The following AP3B1 variants were observed in gnomAD, a reference collection of about 807,000 sequenced individuals.
The protein encoded by AP3B1 is AP-3 complex subunit beta-1.
Under a neutral mutation model 132.5 loss-of-function variants are expected in AP3B1, and 61 were observed. That is an observed-to-expected ratio of 0.46 (90% CI 0.37 to 0.57). The LOEUF (loss-of-function observed/expected upper bound fraction) is 0.57. AP3B1 is among the 20% of genes least tolerant of loss of function. The pLI, the probability that AP3B1 is intolerant of heterozygous loss-of-function variation, is 0.00. For missense variants in AP3B1, 1,120 were observed against 1,289.4 expected (o/e 0.87, Z 2.01); for synonymous variants, 388 against 438.3 (o/e 0.89, Z 1.43).
At chr5:78,271,518 G>GA in intron 1 of AP3B1, among the ~76,000 whole-genome samples, 1 of 152,144 alleles carries the variant, frequency 6.6e-6, no homozygotes, top group African/African-American at 2.4e-5. Context: ...AGATTAAAAA[G>GA]AAAAAAGCCT....
Position 78,133,039 on chromosome 5 carries a change from G to A in AP3B1, c.1651-3732C>T, listed in dbSNP as rs188170554. Among the ~76,000 whole-genome samples the A allele has an allele frequency of 1.5e-3, 228 of 152,248 alleles. 1 individual carries two copies. Among genetic ancestry groups the A allele is most frequent in the African/African-American group, 5.3e-3 (220 of 41,562 alleles). ...ACAGGACTATTCAGTCTTTACTCCT[G>A]CACATATTTCACCTATAACCAACCT... On this transcript the variant is annotated intron_variant, in intron 15 of 26. Coordinates refer to ENST00000255194, the MANE Select transcript of AP3B1 (RefSeq NM_003664.5).
intron 26 of AP3B1, among the ~76,000 whole-genome samples, chr5:78,013,710 T>C (rs1157086007): frequency 6.6e-6 from 1 of 151,460 alleles, no homozygotes; most frequent in East Asian, 1.9e-4. Context: ...ACTCAAAATA[T>C]TTATTTTCAC....
At chr5:78,076,175 T>C (rs1749759733) in intron 22 of AP3B1, among the ~76,000 whole-genome samples, 1 of 152,146 alleles carries the variant, frequency 6.6e-6, no homozygotes, top group Non-Finnish European at 1.5e-5. Context: ...TGGGCAAAAC[T>C]GTTACAAAAA....
intron 26 of AP3B1, among the ~76,000 whole-genome samples, chr5:78,013,750 T>C (rs1303677239): frequency 1.3e-5 from 2 of 152,242 alleles, no homozygotes; most frequent in Non-Finnish European, 2.9e-5. Context: ...CTTTTCCCTA[T>C]TGAACAACAT....
rs1188271337 is a variant in AP3B1 at position 78,055,747 on chromosome 5, T to C, written c.2578-16473A>G. On this transcript the variant is annotated intron_variant, in intron 22 of 26. Coordinates refer to ENST00000255194, the MANE Select transcript of AP3B1 (RefSeq NM_003664.5). The stretch of plus-strand genomic sequence containing the variant: ...CTTCAAGGAGAGAGGTGGAAAGAAC[T>C]AGCATGGAAACTTTTTTGAATGTGA... Among the ~76,000 whole-genome samples the C allele has an allele frequency of 7.2e-5, 11 of 152,150 alleles. 1 individual carries two copies. The highest frequency in any genetic ancestry group is 1.9e-4 in the African/African-American group (8 of 41,428).
chr5:78,190,393 G>A (rs1409923689), intron 7 of AP3B1, among the ~76,000 whole-genome samples: 1 of 152,096 alleles, frequency 6.6e-6, no homozygotes, highest in Non-Finnish European at 1.5e-5. Context: ...ACAAGTGAAG[G>A]GTGGACGTTT....
intron 23 of AP3B1, among the ~76,000 whole-genome samples, chr5:78,035,039 G>C (rs1423872372): frequency 4.0e-5 from 6 of 151,800 alleles, no homozygotes; most frequent in African/African-American, 1.4e-4. Flanking sequence ...TGGCAGATTA[G>C]ATTATCTTTA....
intron 11 of AP3B1, among the ~76,000 whole-genome samples, chr5:78,174,519 C>A (rs865923144): frequency 6.6e-6 from 1 of 152,166 alleles, no homozygotes; most frequent in African/African-American, 2.4e-5. Flanking sequence ...CCAGCGGAGG[C>A]TGCAGCACAG....
intron 20 of AP3B1, among the ~76,000 whole-genome samples, chr5:78,106,026 G>C (rs185600673): frequency 6.6e-6 from 1 of 152,286 alleles, no homozygotes; most frequent in Admixed American, 6.5e-5. Context: ...GAAGTGGAGG[G>C]TCACAGTGAT....
chr5:78,287,387 A>G (rs1401619620), intron 1 of AP3B1, among the ~76,000 whole-genome samples: 4 of 152,218 alleles, frequency 2.6e-5, no homozygotes, highest in African/African-American at 9.6e-5. Context: ...AAAGCAAAAT[A>G]AGATAAAAGG....
Position 78,264,434 on chromosome 5 carries a change from T to A in AP3B1, c.204+3086A>T, listed in dbSNP as rs563590456. 7.9e-5 allele frequency among the ~76,000 whole-genome samples: 12 copies of A among 152,212 alleles called. No individual in the cohort carries two copies. In the South Asian group the frequency reaches 2.5e-3, roughly 32 times the overall value. On this transcript the variant is annotated intron_variant, in intron 2 of 26. Coordinates refer to ENST00000255194, the MANE Select transcript of AP3B1 (RefSeq NM_003664.5). Reference sequence around the variant, plus strand: ...ATCAACAGTCAAGAATAAATGGAGATACAGAAAGTTAACTGACCCTTATTT... The same window carrying A: ...ATCAACAGTCAAGAATAAATGGAGAAACAGAAAGTTAACTGACCCTTATTT...
intron 20 of AP3B1, 21 bp from the exon 21 acceptor site, chr5:78,101,046 C>T (rs1561407001): frequency 1.5e-6 from 2 of 1,358,936 alleles, no homozygotes; most frequent in Non-Finnish European, 2.1e-6. Context: ...ACAAATATTT[C>T]ATTTATCACA....
Position 78,193,768 on chromosome 5 carries a change from A to ATTTTTTT in AP3B1, c.787-12107_787-12106insAAAAAAA, listed in dbSNP as rs748328573. Among the ~76,000 whole-genome samples the ATTTTTTT allele has an allele frequency of 1.8e-3, 122 of 66,658 alleles. 1 individual carries two copies. The highest frequency in any genetic ancestry group is 6.7e-3 in the Middle Eastern group (1 of 150). The allele number at this position is 66,658 out of a possible 152,430, so 43.7% of individuals were successfully genotyped here. Reference sequence around the variant, plus strand: ...TTTATATATATATATATATATATATATATTTTTTTTTTAGACAGAGTCTCG... The same window carrying ATTTTTTT: ...TTTATATATATATATATATATATATATTTTTTTTATTTTTTTTTTAGACAGAGTCTCG... On this transcript the variant is annotated intron_variant, in intron 7 of 26. Coordinates refer to ENST00000255194, the MANE Select transcript of AP3B1 (RefSeq NM_003664.5).
At chr5:78,010,511 T>G (rs550455468) in intron 26 of AP3B1, among the ~76,000 whole-genome samples, 8 of 152,340 alleles carry the variant, frequency 5.3e-5, no homozygotes, top group African/African-American at 1.9e-4. Context: ...TGTTTTCTGC[T>G]TTTTGGCCAC....
At chr5:78,253,395 C>G (rs751643632) in intron 2 of AP3B1, among the ~76,000 whole-genome samples, 1 of 152,194 alleles carries the variant, frequency 6.6e-6, no homozygotes, top group Non-Finnish European at 1.5e-5. Context: ...GGCCCAAGTT[C>G]CTATGAATAC....
At chr5:78,020,172 C>T (rs1324600039) in intron 25 of AP3B1, among the ~76,000 whole-genome samples, 1 of 151,954 alleles carries the variant, frequency 6.6e-6, no homozygotes, top group African/African-American at 2.4e-5. Flanking sequence ...TAGGTTCTGA[C>T]AACACAGCAT....
At chr5:78,067,672 G>A (rs937573431) in intron 22 of AP3B1, among the ~76,000 whole-genome samples, 3 of 152,010 alleles carry the variant, frequency 2.0e-5, no homozygotes, top group African/African-American at 7.2e-5. Flanking sequence ...TGACTCCTGG[G>A]TAAAAAATTA....
chr5:78,222,504 A>G (rs1411609352), intron 6 of AP3B1: 2 of 152,196 alleles, frequency 1.3e-5, no homozygotes, highest in East Asian at 1.9e-4. Flanking sequence ...GGTTAGAACA[A>G]TGAACACTAG....
intron 15 of AP3B1, among the ~76,000 whole-genome samples, chr5:78,135,103 C>T (rs1752856658): frequency 6.6e-6 from 1 of 152,084 alleles, no homozygotes; most frequent in African/African-American, 2.4e-5. Flanking sequence ...TCTCCAAAGA[C>T]CTGAATCACG....
Sources: allele counts gnomAD v4.1 joint callset (sites outside exome capture counted in the v4.1 genomes callset), GRCh38; gene constraint gnomAD v4.1.1; transcripts MANE v1.5; gene names NCBI Gene and HGNC (gene_info 2026-07-23, HGNC 2026-07-21).